GPR143: variants seen among roughly 807,000 people sequenced by gnomAD.
GPR143 encodes the protein G-protein coupled receptor 143.
A neutral mutation model predicts 27.6 loss-of-function variants in GPR143; 8 were observed. The observed-to-expected ratio is 0.29, with a 90% confidence interval of 0.17 to 0.52. The LOEUF (loss-of-function observed/expected upper bound fraction) is 0.52. GPR143 is among the 20% of genes least tolerant of loss of function. The pLI, the probability that GPR143 is intolerant of heterozygous loss-of-function variation, is 0.96. For synonymous variants in GPR143, 156 were observed against 153.2 expected (o/e 1.02, Z -0.13); for missense variants, 303 against 343.1 (o/e 0.88, Z 0.92).
intron 1 of GPR143, among the ~76,000 whole-genome samples, chrX:9,776,529 G>T (rs1398834970): frequency 9.8e-6 from 1 of 102,136 alleles, no homozygotes; most frequent in African/African-American, 3.6e-5. Context: ...GCAACTACAG[G>T]CACATGAAAC....
intron 3 of GPR143, among the ~76,000 whole-genome samples, chrX:9,749,123 C>G (rs2083440661): frequency 8.9e-6 from 1 of 111,788 alleles, no homozygotes; most frequent in South Asian, 3.8e-4. Context: ...ACGGAAATGA[C>G]CAGGTGGAGG....
rs781321225 is a variant in GPR143 at position 9,748,555 on chromosome X, C to T, written c.548+19G>A. ...GAGCCAAGGATGGGGCTGCCTGGGG[C>T]GCTGGAGTCCCAACTTACCTGGACA... is the stretch of plus-strand genomic sequence containing the variant. On this transcript the variant is annotated intron_variant, in intron 4 of 8. Coordinates refer to ENST00000467482, the MANE Select transcript of GPR143 (RefSeq NM_000273.3). 20 of 1,072,047 alleles carry T rather than the reference C, an allele frequency of 1.9e-5. No individual in the cohort carries two copies. The highest frequency in any genetic ancestry group is 2.1e-5 in the Non-Finnish European group (16 of 769,049). 88.3% of individuals were successfully genotyped at this position (1,072,047 alleles called of 1,213,427 possible).
At chrX:9,734,480 G>A (rs931133512) in intron 8 of GPR143, among the ~76,000 whole-genome samples, 3 of 111,517 alleles carry the variant, frequency 2.7e-5, no homozygotes, top group East Asian at 5.7e-4. Flanking sequence ...ATACAGCTAC[G>A]CTCCTTTCTG....
At chrX:9,736,255 A>G (rs918798015) in intron 8 of GPR143, among the ~76,000 whole-genome samples, 9 of 112,024 alleles carry the variant, frequency 8.0e-5, no homozygotes, top group African/African-American at 2.6e-4. Flanking sequence ...GAAATATTAA[A>G]AAATGTGAGG....
intron 8 of GPR143, among the ~76,000 whole-genome samples, chrX:9,726,818 G>C (rs2083329830): frequency 8.9e-6 from 1 of 112,386 alleles, no homozygotes; most frequent in East Asian, 2.8e-4. Flanking sequence ...CTTTGGTCCT[G>C]TTTTCTTTAT....
At chrX:9,772,209 T>C (rs1028244836) in intron 1 of GPR143, among the ~76,000 whole-genome samples, 4 of 111,443 alleles carry the variant, frequency 3.6e-5, no homozygotes, top group South Asian at 3.7e-4. Flanking sequence ...TGTTGAAAAA[T>C]AGGATGTCCT....
chrX:9,747,858 C>A (rs1416256046), intron 4 of GPR143: 1 of 112,104 alleles, frequency 8.9e-6, no homozygotes, highest in Non-Finnish European at 1.9e-5. Context: ...TTTACAAAAA[C>A]GGAAGAACGC....
intron 3 of GPR143, among the ~76,000 whole-genome samples, chrX:9,753,991 C>G (rs1177175907): frequency 9.0e-6 from 1 of 111,719 alleles, no homozygotes; most frequent in Non-Finnish European, 1.9e-5. Flanking sequence ...CTTCCAGATG[C>G]CGCAGGAAGA....
intron 1 of GPR143, among the ~76,000 whole-genome samples, chrX:9,777,763 T>C (rs1422420744): frequency 9.5e-6 from 1 of 105,149 alleles, no homozygotes. Context: ...CATTCCAGTC[T>C]GAGTAACATA....
chrX:9,773,864 CATAATA>C (rs1301254334), intron 1 of GPR143, among the ~76,000 whole-genome samples: 2 of 111,101 alleles, frequency 1.8e-5, no homozygotes, highest in African/African-American at 6.5e-5. Context: ...GACCCAGTCT[CATAATA>C]ATAATAAAGA....
chrX:9,749,024 C>T (rs2083440296), intron 3 of GPR143, among the ~76,000 whole-genome samples: 1 of 112,326 alleles, frequency 8.9e-6, no homozygotes, highest in East Asian at 2.8e-4. Context: ...TGAATCTCAT[C>T]TTGAATTGTA....
upstream of GPR143, among the ~76,000 whole-genome samples, chrX:9,770,323 A>G (rs777143786): frequency 1.0e-3 from 93 of 88,949 alleles, no homozygotes; most frequent in African/African-American, 4.2e-3. Context: ...AAGAAAGAAA[A>G]AGAGAGAGAG....
chrX:9,766,492 G>A (rs779727076), upstream of GPR143, among the ~76,000 whole-genome samples: 3 of 112,164 alleles, frequency 2.7e-5, no homozygotes, highest in South Asian at 3.7e-4. Flanking sequence ...TTGGGAGGCC[G>A]AGGCAGGCAG....
intron 8 of GPR143, among the ~76,000 whole-genome samples, chrX:9,727,502 G>A (rs760864099): frequency 5.3e-5 from 6 of 113,375 alleles, no homozygotes; most frequent in South Asian, 3.6e-4. Flanking sequence ...TAGCATGGCC[G>A]AGCGAGGCCT....
chrX:9,746,199 G>T, intron 4 of GPR143, 46 bp from the exon 5 acceptor site: 1 of 779,880 alleles, frequency 1.3e-6, no homozygotes, highest in African/African-American at 2.0e-5. Flanking sequence ...GCAAAGTTTT[G>T]GCTAAAAGAC....
Position 9,739,682 on chromosome X carries a change from A to G in GPR143, c.923T>C (p.Leu308Ser). 8.4e-7 allele frequency: 1 copy of G among 1,187,974 alleles called. No homozygotes were observed. Among genetic ancestry groups the G allele is most frequent in the African/African-American group, 1.7e-5 (1 of 57,535 alleles). The stretch of plus-strand genomic sequence containing the variant: ...GCATCCTGTCCAGCCGTAGAAGGCC[A>G]AAGACAAGAGAAATCCCTGGGCTGG... ...LNPAQGFLLS[L>S]AFYGWTGCSL... Residue 308 changes from leucine (L) to serine (S), a missense_variant, in exon 8 of 9, where the codon TTG (leucine) becomes TCG (serine). Coordinates refer to ENST00000467482, the MANE Select transcript of GPR143 (RefSeq NM_000273.3).
At chrX:9,759,524 C>T (rs917373425) in intron 2 of GPR143, 98 bp from the exon 3 acceptor site, 53 of 574,108 alleles carry the variant, frequency 9.2e-5, no homozygotes, top group Non-Finnish European at 1.1e-4. Flanking sequence ...CTTCCTCTGA[C>T]GTCAGGAAGC....
intron 3 of GPR143, among the ~76,000 whole-genome samples, chrX:9,750,161 A>AT (rs1386674411): frequency 8.9e-6 from 1 of 112,459 alleles, no homozygotes; most frequent in African/African-American, 3.2e-5. Context: ...CTGTTTGTCT[A>AT]CTGTGAGTAG....
At chrX:9,727,241 G>A (rs1229762925) in intron 8 of GPR143, among the ~76,000 whole-genome samples, 3 of 113,130 alleles carry the variant, frequency 2.7e-5, no homozygotes, top group African/African-American at 9.6e-5. Flanking sequence ...GCTCCTCCCC[G>A]ATTCTGAGCC....
Sources: gnomAD v4.1 joint callset for allele counts (sites outside exome capture counted in the v4.1 genomes callset) on GRCh38, gnomAD v4.1.1 for gene constraint, MANE v1.5 for transcripts, NCBI Gene and HGNC (gene_info 2026-07-23, HGNC 2026-07-21) for gene names.